The following PRR16 variants were observed in gnomAD, a reference collection of about 807,000 sequenced individuals.
PRR16 encodes the protein proline rich 16, also known as protein Largen.
In PRR16, 6 loss-of-function variants were observed where a neutral mutation model predicts 18.2. The ratio of observed to expected loss-of-function variants is 0.33; its 90% CI spans 0.18 to 0.65. The LOEUF (loss-of-function observed/expected upper bound fraction) is 0.65, where lower values mean the gene tolerates loss of function less well. Among genes scored for constraint, PRR16 ranks in the 30% least tolerant of loss-of-function variants. The probability of loss-of-function intolerance (pLI) is 0.74; values close to 1 mark genes in which losing one functional copy is unlikely to be tolerated. For missense variants in PRR16, 412 were observed against 376.6 expected, an observed-to-expected ratio of 1.09 and a Z score of -0.78; for synonymous variants, 151 against 147.8, an observed-to-expected ratio of 1.02 and a Z score of -0.16.
intron 1 of PRR16, among the ~76,000 whole-genome samples, chr5:120,637,824 G>A (rs1403354212): frequency 6.6e-6 from 1 of 152,026 alleles, no homozygotes; most frequent in African/African-American, 2.4e-5. Context: ...GACAGAGTGG[G>A]AGACCCCATC....
chr5:120,772,421 T>A, the PRR16 span, among the ~76,000 whole-genome samples: 1 of 152,094 alleles, frequency 6.6e-6, no homozygotes, highest in Non-Finnish European at 1.5e-5. Context: ...ACATATAGAA[T>A]GCATAATTCA....
chr5:120,712,564 G>C, the PRR16 span, among the ~76,000 whole-genome samples: 1 of 151,896 alleles, frequency 6.6e-6, no homozygotes, highest in Non-Finnish European at 1.5e-5. Flanking sequence ...CCTGATAAGG[G>C]TGTATAAATA....
Position 120,535,097 on chromosome 5 carries a change from G to GTT in PRR16, c.159+70453_159+70454insTT, listed in dbSNP as rs1201273748. Among the ~76,000 whole-genome samples, 7 of 151,192 alleles carry GTT rather than the reference G, an allele frequency of 4.6e-5. No homozygotes were observed. In the South Asian group the frequency reaches 6.3e-4, roughly 14 times the overall value. ...TACACGTGTGTGTGTGTGTGTGTGT[G>GTT]TGTGTGTAAAAGCCTATGTGAGGAT... is the stretch of plus-strand genomic sequence containing the variant. On this transcript the variant is annotated intron_variant, in intron 1 of 1. Coordinates refer to ENST00000407149, the MANE Select transcript of PRR16 (RefSeq NM_001300783.2).
chr5:120,491,360 C>A (rs555281193), intron 1 of PRR16, among the ~76,000 whole-genome samples: 1 of 152,202 alleles, frequency 6.6e-6, no homozygotes, highest in Admixed American at 6.5e-5. Flanking sequence ...ATTTCTTAAT[C>A]ATTTTCCCTT....
At chr5:120,699,871 T>G in the PRR16 span, among the ~76,000 whole-genome samples, 6 of 152,074 alleles carry the variant, frequency 3.9e-5, no homozygotes, top group Non-Finnish European at 8.8e-5. Context: ...GCATGTGTGT[T>G]TTTATGAGAA....
the PRR16 span, among the ~76,000 whole-genome samples, chr5:120,735,472 A>G: frequency 7.9e-5 from 12 of 152,198 alleles, no homozygotes; most frequent in Non-Finnish European, 1.6e-4. Context: ...ATCCTTACCC[A>G]TATTTGTTAT....
At chr5:120,679,572 C>G (rs1454440519) in intron 1 of PRR16, among the ~76,000 whole-genome samples, 2 of 152,100 alleles carry the variant, frequency 1.3e-5, no homozygotes, top group Admixed American at 6.5e-5. Context: ...ACACAGCACC[C>G]TTCAGTATGT....
chr5:120,669,939 A>C (rs1054144012), intron 1 of PRR16, among the ~76,000 whole-genome samples: 1 of 152,130 alleles, frequency 6.6e-6, no homozygotes, highest in African/African-American at 2.4e-5. Flanking sequence ...AACGGCGTTT[A>C]TATGACTACC....
chr5:120,666,054 G>A (rs1756364439), intron 1 of PRR16, among the ~76,000 whole-genome samples: 1 of 152,042 alleles, frequency 6.6e-6, no homozygotes, highest in Non-Finnish European at 1.5e-5. Flanking sequence ...TGGGCAGTAT[G>A]GCCATTTTCA....
chr5:120,784,751 ACT>A, the PRR16 span, among the ~76,000 whole-genome samples: 2 of 152,088 alleles, frequency 1.3e-5, no homozygotes, highest in Admixed American at 6.6e-5. Context: ...CTTTTGCTCA[ACT>A]CTCTATTATA....
In PRR16 at chr5:120,686,622, C is replaced by G; in HGVS notation, c.828C>G (p.Pro276=). The G allele has an allele frequency of 2.5e-6, 4 of 1,609,518 alleles. No homozygotes were observed. The highest frequency in any genetic ancestry group is 2.5e-6 in the Non-Finnish European group (3 of 1,177,334). The change falls in exon 2 of 2, where the codon CCC becomes CCG. Residue 276 remains proline, a synonymous_variant. Transcript: ENST00000407149. ...GAATAAGCCACAGTAACAGCTTCCCCCCTATCAGACCTGCAACTGTGCCTC... is the reference window on the plus strand; with the variant it reads ...GAATAAGCCACAGTAACAGCTTCCCGCCTATCAGACCTGCAACTGTGCCTC... ...GMGISHSNSF[P]PIRPATVPPP...
intron 1 of PRR16, among the ~76,000 whole-genome samples, chr5:120,583,128 G>C (rs994409526): frequency 2.6e-5 from 4 of 152,118 alleles, no homozygotes; most frequent in African/African-American, 9.7e-5. Flanking sequence ...CAAATTAGAG[G>C]GTCAGCCAAG....
intron 1 of PRR16, among the ~76,000 whole-genome samples, chr5:120,602,391 C>G (rs1182922444): frequency 6.6e-6 from 1 of 151,896 alleles, no homozygotes; most frequent in Non-Finnish European, 1.5e-5. Flanking sequence ...AGAAATACTA[C>G]TGATTTTTTT....
At chr5:120,711,283 A>G in the PRR16 span, among the ~76,000 whole-genome samples, 1 of 152,312 alleles carries the variant, frequency 6.6e-6, no homozygotes, top group Admixed American at 6.5e-5. Flanking sequence ...GCCTAACACA[A>G]CTACAATTAT....
the PRR16 span, among the ~76,000 whole-genome samples, chr5:120,720,965 T>G: frequency 4.1e-4 from 62 of 152,188 alleles, 1 homozygote; most frequent in East Asian, 0.012. Flanking sequence ...TGGTAATTAA[T>G]GCATTATCTC....
intron 1 of PRR16, among the ~76,000 whole-genome samples, chr5:120,664,247 T>C (rs986792736): frequency 4.6e-5 from 7 of 151,868 alleles, no homozygotes; most frequent in Admixed American, 2.0e-4. Context: ...TGCTATGAGC[T>C]GAGATCGCAC....
intron 1 of PRR16, among the ~76,000 whole-genome samples, chr5:120,611,882 C>T (rs965077864): frequency 6.6e-6 from 1 of 152,198 alleles, no homozygotes; most frequent in Non-Finnish European, 1.5e-5. Context: ...CGACAGCTTG[C>T]ACTGTGCACC....
chr5:120,495,234 T>A (rs1472386141), intron 1 of PRR16, among the ~76,000 whole-genome samples: 4 of 152,122 alleles, frequency 2.6e-5, no homozygotes, highest in African/African-American at 7.2e-5. Context: ...TCATGTTAGA[T>A]TTATTTCATT....
At chr5:120,475,872 A>T (rs1262370650) in intron 1 of PRR16, among the ~76,000 whole-genome samples, 1 of 152,194 alleles carries the variant, frequency 6.6e-6, no homozygotes, top group Non-Finnish European at 1.5e-5. Context: ...ATTTTAGTAG[A>T]GAGACATTAT....
Sources: gnomAD v4.1 joint callset for allele counts (sites outside exome capture counted in the v4.1 genomes callset) on GRCh38, gnomAD v4.1.1 for gene constraint, MANE v1.5 for transcripts, NCBI Gene and HGNC (gene_info 2026-07-23, HGNC 2026-07-21) for gene names.